The following SH3RF2 variants were observed in gnomAD, a reference collection of about 807,000 sequenced individuals.
The protein encoded by SH3RF2 is SH3 domain containing ring finger 2, also known as E3 ubiquitin-protein ligase SH3RF2.
Under a neutral mutation model 59.0 loss-of-function variants are expected in SH3RF2, and 43 were observed. The ratio of observed to expected loss-of-function variants is 0.73; its 90% confidence interval spans 0.57 to 0.94. The LOEUF is 0.94. Among genes scored for constraint, SH3RF2 ranks in the 40% least tolerant of loss-of-function variants. SH3RF2 has a pLI of 0.00. For missense variants in SH3RF2, 930 were observed against 940.1 expected, an observed-to-expected ratio of 0.99 and a Z score of 0.14; for synonymous variants, 391 against 391.5, an observed-to-expected ratio of 1.00 and a Z score of 0.01.
chr5:146,077,235 T>C (rs1763356013), intron 9 of SH3RF2, among the ~76,000 whole-genome samples: 1 of 152,126 alleles, frequency 6.6e-6, no homozygotes, highest in Admixed American at 6.5e-5. Flanking sequence ...CACTTTCCTC[T>C]GGAGCATCCT....
intron 2 of SH3RF2, among the ~76,000 whole-genome samples, chr5:145,977,835 C>T (rs1759353067): frequency 6.6e-6 from 1 of 152,170 alleles, no homozygotes; most frequent in African/African-American, 2.4e-5. Flanking sequence ...TAACGTAGCT[C>T]CTGTATCTAG....
intron 2 of SH3RF2, among the ~76,000 whole-genome samples, chr5:145,986,811 G>A (rs569696140): frequency 6.6e-6 from 1 of 152,256 alleles, no homozygotes; most frequent in East Asian, 1.9e-4. Context: ...AGGAAAAAAT[G>A]AAAATACGCC....
chr5:146,000,029 A>T, intron 2 of SH3RF2, 29 bp from the exon 3 acceptor site: 1 of 1,608,810 alleles, frequency 6.2e-7, no homozygotes. Context: ...TAAGCTAAGT[A>T]CATATCTTAT....
intron 4 of SH3RF2, among the ~76,000 whole-genome samples, chr5:146,007,929 T>C (rs992353671): frequency 2.0e-5 from 3 of 152,230 alleles, no homozygotes; most frequent in Non-Finnish European, 1.5e-5. Flanking sequence ...TGCTGAGAAC[T>C]CTTTAAATAA....
Position 146,059,738 on chromosome 5 carries a change from T to C in SH3RF2, c.1556-128T>C, listed in dbSNP as rs148753578. On this transcript the variant is annotated intron_variant, in intron 8 of 9. Transcript: ENST00000359120. ...TCACCTTTGAAAGACCCGGAGAGAA[T>C]GTGAGTGCAGTCAGATTAGGAAAGC... 89 of 614,120 alleles carry C rather than the reference T, an allele frequency of 1.4e-4. No homozygotes were observed. The South Asian group carries it at 3.4e-3, about 24-fold the overall frequency. The allele number at this position is 614,120 out of a possible 1,614,324, so 38.0% of individuals were successfully genotyped here. A position where few individuals can be genotyped will look rare whatever the true frequency, so the allele number is the denominator to read the frequency against.
At chr5:145,969,606 G>A (rs10040010) in intron 2 of SH3RF2, among the ~76,000 whole-genome samples, 30,297 of 151,844 alleles carry the variant, frequency 0.2, 4,761 homozygotes, top group African/African-American at 0.42. Context: ...GTGGTGGTAC[G>A]TGCCTGTTAT....
intron 5 of SH3RF2, among the ~76,000 whole-genome samples, chr5:146,023,287 C>T (rs1434519762): frequency 1.3e-5 from 2 of 152,200 alleles, no homozygotes; most frequent in South Asian, 2.1e-4. Context: ...TGGCTCACTG[C>T]GACCTCCGCC....
At chr5:145,969,239 A>C (rs960667536) in intron 2 of SH3RF2, among the ~76,000 whole-genome samples, 1 of 152,214 alleles carries the variant, frequency 6.6e-6, no homozygotes, top group African/African-American at 2.4e-5. Flanking sequence ...CCTGCACTTG[A>C]GTTTAGAATT....
chr5:146,018,721 A>G (rs1761200171), intron 5 of SH3RF2, among the ~76,000 whole-genome samples: 1 of 152,140 alleles, frequency 6.6e-6, no homozygotes, highest in Admixed American at 6.6e-5. Flanking sequence ...TTTTCCATAG[A>G]GGTTAAACTA....
intron 2 of SH3RF2, among the ~76,000 whole-genome samples, chr5:145,984,842 CAGA>C (rs567489614): frequency 4.9e-4 from 74 of 152,276 alleles, no homozygotes; most frequent in African/African-American, 1.6e-3. Context: ...TTCAGATTTG[CAGA>C]AGGTCTTGGT....
At chr5:146,017,467 C>T (rs1477444164) in intron 5 of SH3RF2, among the ~76,000 whole-genome samples, 1 of 152,066 alleles carries the variant, frequency 6.6e-6, no homozygotes, top group African/African-American at 2.4e-5. Context: ...ACTCACAGAG[C>T]AGTGAAGCAT....
At chr5:146,030,668 C>G (rs1761708904) in intron 5 of SH3RF2, among the ~76,000 whole-genome samples, 1 of 151,476 alleles carries the variant, frequency 6.6e-6, no homozygotes, top group South Asian at 2.1e-4. Flanking sequence ...TAGCAAATTA[C>G]AGCCTATGGT....
chr5:146,029,587 G>T (rs1761669814), intron 5 of SH3RF2, among the ~76,000 whole-genome samples: 1 of 152,160 alleles, frequency 6.6e-6, no homozygotes, highest in South Asian at 2.1e-4. Context: ...GATTTGTTCA[G>T]CAAACAAGCT....
intron 5 of SH3RF2, among the ~76,000 whole-genome samples, chr5:146,044,158 T>G (rs975365919): frequency 8.9e-6 from 1 of 111,858 alleles, no homozygotes; most frequent in Non-Finnish European, 2.0e-5. Flanking sequence ...TGTTTTTTTT[T>G]TTTTGTTTTT....
chr5:146,048,654 T>A (rs550261579), intron 6 of SH3RF2, among the ~76,000 whole-genome samples: 1 of 152,284 alleles, frequency 6.6e-6, no homozygotes, highest in African/African-American at 2.4e-5. Flanking sequence ...CTGGAGGCCA[T>A]ATACTGGTGA....
At chr5:145,989,565 G>A (rs1049017363) in intron 2 of SH3RF2, among the ~76,000 whole-genome samples, 1 of 152,188 alleles carries the variant, frequency 6.6e-6, no homozygotes, top group Non-Finnish European at 1.5e-5. Context: ...CATAACTTGA[G>A]TCAAAGGCCA....
chr5:145,967,987 A>C (rs911517243), intron 2 of SH3RF2, among the ~76,000 whole-genome samples: 1 of 152,038 alleles, frequency 6.6e-6, no homozygotes, highest in African/African-American at 2.4e-5. Flanking sequence ...TCTAGAAAAG[A>C]TCTCTTAACT....
In SH3RF2 at chr5:145,937,625, A is replaced by G. The variant is rs528430413; in HGVS notation, c.-106-198A>G. Among the ~76,000 whole-genome samples the G allele has an allele frequency of 4.6e-5, 7 of 152,288 alleles. 1 individual carries two copies. The East Asian group carries it at 1.2e-3, about 25-fold the overall frequency. On this transcript the variant is annotated intron_variant, in intron 1 of 9. Coordinates refer to ENST00000359120, the MANE Select transcript of SH3RF2 (RefSeq NM_152550.4). ...CAATAAGCAGTCAGTCTTGTGCTGA[A>G]TGTTCCCTCTGATCCTCACAGCAAG...
chr5:146,032,515 C>T (rs985168771), intron 5 of SH3RF2, among the ~76,000 whole-genome samples: 1 of 152,016 alleles, frequency 6.6e-6, no homozygotes, highest in Admixed American at 6.6e-5. Context: ...GTTCCCTGAC[C>T]AAAACTCTTG....
Sources: allele counts gnomAD v4.1 joint callset (sites outside exome capture counted in the v4.1 genomes callset), GRCh38; gene constraint gnomAD v4.1.1; transcripts MANE v1.5; gene names NCBI Gene and HGNC (gene_info 2026-07-23, HGNC 2026-07-21).